Variants in LUZP2 observed in about 807,000 individuals in gnomAD.
LUZP2 encodes leucine zipper protein 2.
A neutral mutation model predicts 51.6 loss-of-function variants in LUZP2; 52 were observed. That is an observed-to-expected ratio of 1.01 (90% CI 0.81 to 1.27). The LOEUF is 1.27. Among genes scored for constraint, LUZP2 ranks in the 50% most tolerant of loss-of-function variants. LUZP2 has a pLI of 0.00. For synonymous variants in LUZP2, 154 were observed against 137.3 expected, an observed-to-expected ratio of 1.12 and a Z score of -0.85; for missense variants, 436 against 395.4, an observed-to-expected ratio of 1.10 and a Z score of -0.87.
chr11:25,040,388 G>A (rs1858019274), intron 9 of LUZP2, among the ~76,000 whole-genome samples: 1 of 115,970 alleles, frequency 8.6e-6, no homozygotes, highest in African/African-American at 4.7e-5. Flanking sequence ...ATACCCCTGG[G>A]GAAATCATTA....
intron 9 of LUZP2, among the ~76,000 whole-genome samples, chr11:24,991,350 G>GTA (rs58800807): frequency 0.5 from 70,797 of 140,704 alleles, 18,069 homozygotes; most frequent in East Asian, 0.8. Context: ...GTGTGTGTGT[G>GTA]TATATATATA....
chr11:24,801,931 T>G (rs1052758961), intron 5 of LUZP2, among the ~76,000 whole-genome samples: 5 of 151,720 alleles, frequency 3.3e-5, no homozygotes, highest in Non-Finnish European at 5.9e-5. Context: ...TAACTAAAAT[T>G]TTTTGAATAA....
At position 24,769,363 on chromosome 11, in the gene LUZP2, C is replaced by G. The variant is rs529264399; in HGVS notation, c.396+6055C>G. Among the ~76,000 whole-genome samples, 83 of 152,168 alleles carry G rather than the reference C, an allele frequency of 5.5e-4. No homozygotes were observed. In the South Asian group the frequency reaches 0.016, roughly 29 times the overall value. On this transcript the variant is annotated intron_variant, in intron 5 of 11. Coordinates refer to ENST00000336930, the MANE Select transcript of LUZP2 (RefSeq NM_001009909.4). ...GTCACCAACAGTGTATTATGTATTT[C>G]AAAATAGTTAGAAAAGAGGATTTTG...
intron 4 of LUZP2, among the ~76,000 whole-genome samples, chr11:24,757,399 T>C (rs955940440): frequency 6.6e-6 from 1 of 152,126 alleles, no homozygotes; most frequent in Non-Finnish European, 1.5e-5. Context: ...CTAATAACCA[T>C]TGGATTAGTG....
rs374302170 is a variant in LUZP2, at chr11:24,774,332, T to TTCTCTCTCTCTCTCTCTC, written c.396+11038_396+11055dup. 1.2e-3 allele frequency among the ~76,000 whole-genome samples: 51 copies of TTCTCTCTCTCTCTCTCTC among 41,880 alleles called. 1 individual carries two copies. Among genetic ancestry groups the TTCTCTCTCTCTCTCTCTC allele is most frequent in the Middle Eastern group, 0.019 (1 of 54 alleles). 27.5% of individuals were successfully genotyped at this position (41,880 alleles called of 152,430 possible). A position where few individuals can be genotyped will look rare whatever the true frequency, so the allele number is the denominator to read the frequency against. On this transcript the variant is annotated intron_variant, in intron 5 of 11. Coordinates refer to ENST00000336930, the MANE Select transcript of LUZP2 (RefSeq NM_001009909.4). ...GTTAATGAGTTAATACTTAGTAAACTTCTCTCTCTCTCTCTCTCTCTCTCT... is the reference window on the plus strand; with the variant it reads ...GTTAATGAGTTAATACTTAGTAAACTTCTCTCTCTCTCTCTCTCTCTCTCTCTCTCTCTCTCTCTCTCT...
intron 5 of LUZP2, among the ~76,000 whole-genome samples, chr11:24,779,013 G>A (rs1040614893): frequency 2.0e-4 from 30 of 152,102 alleles, no homozygotes; most frequent in African/African-American, 7.2e-4. Flanking sequence ...GATTTTCTGA[G>A]CATTTCAGAA....
intron 1 of LUZP2, among the ~76,000 whole-genome samples, chr11:24,613,352 A>T (rs1854184294): frequency 6.6e-6 from 1 of 150,724 alleles, no homozygotes; most frequent in Non-Finnish European, 1.5e-5. Flanking sequence ...ATGCACAAAC[A>T]CACTTCTTTC....
chr11:24,695,675 G>C (rs1478571074), intron 1 of LUZP2, among the ~76,000 whole-genome samples: 1 of 151,914 alleles, frequency 6.6e-6, no homozygotes, highest in Non-Finnish European at 1.5e-5. Context: ...ATTAATAATA[G>C]TTAATTACCT....
chr11:24,682,839 A>G (rs1856789016), intron 1 of LUZP2, among the ~76,000 whole-genome samples: 1 of 151,882 alleles, frequency 6.6e-6, no homozygotes, highest in East Asian at 2.0e-4. Context: ...CCCCATCTCT[A>G]CTAAAAAGAC....
intron 1 of LUZP2, among the ~76,000 whole-genome samples, chr11:24,567,119 G>T (rs932717968): frequency 8.6e-5 from 13 of 150,426 alleles, no homozygotes; most frequent in Admixed American, 3.3e-4. Context: ...GGGATAACAG[G>T]CGTGAGCCAC....
At chr11:24,826,269 G>A (rs1850538400) in intron 5 of LUZP2, among the ~76,000 whole-genome samples, 1 of 147,544 alleles carries the variant, frequency 6.8e-6, no homozygotes, top group Non-Finnish European at 1.5e-5. Context: ...CATCTTGCTT[G>A]TGTTACTAAA....
At chr11:24,832,797 C>T (rs1590611350) in intron 5 of LUZP2, among the ~76,000 whole-genome samples, 1 of 151,868 alleles carries the variant, frequency 6.6e-6, no homozygotes, top group African/African-American at 2.4e-5. Flanking sequence ...ATGAAGACAA[C>T]ATTTAATGAA....
intron 1 of LUZP2, among the ~76,000 whole-genome samples, chr11:24,584,102 C>T (rs1383488848): frequency 1.3e-5 from 2 of 152,094 alleles, no homozygotes; most frequent in South Asian, 2.1e-4. Flanking sequence ...CTATCATATT[C>T]TAGACACTAA....
intron 9 of LUZP2, among the ~76,000 whole-genome samples, chr11:24,999,754 T>G (rs949941907): frequency 6.6e-6 from 1 of 152,202 alleles, no homozygotes; most frequent in African/African-American, 2.4e-5. Context: ...ACAACCTTGT[T>G]AATTAAGTCT....
rs767738861 is a variant in LUZP2, at chr11:24,729,250, A to T, written c.144A>T (p.Thr48=). 38 of 1,568,056 alleles carry T rather than the reference A, an allele frequency of 2.4e-5. No individual in the cohort carries two copies. In the South Asian group the frequency reaches 4.4e-4, roughly 18 times the overall value. ...CCATTCTTCGTCAGCTGACAAAGAC[A>T]TCAAGAGAACTTGATGGAATTAAAG... ...RSTILRQLTK[T]SRELDGIKVN... Residue 48 remains threonine, a synonymous_variant, in exon 2 of 12, where the codon ACA becomes ACT. Coordinates refer to ENST00000336930, the MANE Select transcript of LUZP2 (RefSeq NM_001009909.4).
At chr11:24,985,224 G>T (rs1856155477) in intron 9 of LUZP2, among the ~76,000 whole-genome samples, 1 of 151,558 alleles carries the variant, frequency 6.6e-6, no homozygotes, top group South Asian at 2.1e-4. Flanking sequence ...TTTGGAGATT[G>T]CAGCCTAATT....
intron 7 of LUZP2, among the ~76,000 whole-genome samples, chr11:24,922,944 G>C (rs962969889): frequency 6.9e-6 from 1 of 145,192 alleles, no homozygotes; most frequent in Non-Finnish European, 1.5e-5. Flanking sequence ...CGCCTCCCGG[G>C]TTCATGCCAT....
intron 1 of LUZP2, among the ~76,000 whole-genome samples, chr11:24,719,366 A>T (rs372655455): frequency 2.0e-5 from 3 of 152,354 alleles, no homozygotes; most frequent in African/African-American, 7.2e-5. Flanking sequence ...AATTAGTTAA[A>T]TCATGGCCCC....
At chr11:24,634,904 TG>T (rs1271069385) in intron 1 of LUZP2, among the ~76,000 whole-genome samples, 2 of 152,178 alleles carry the variant, frequency 1.3e-5, no homozygotes, top group African/African-American at 4.8e-5. Flanking sequence ...TAAGCATGGA[TG>T]ATCTGTACTG....
Sources: allele counts gnomAD v4.1 joint callset (sites outside exome capture counted in the v4.1 genomes callset), GRCh38; gene constraint gnomAD v4.1.1; transcripts MANE v1.5; gene names NCBI Gene and HGNC (gene_info 2026-07-23, HGNC 2026-07-21).